TPH2: variants seen among roughly 807,000 people sequenced by gnomAD.
The protein encoded by TPH2 is tryptophan hydroxylase 2, also known as tryptophan 5-hydroxylase 2.
In TPH2, 27 loss-of-function variants were observed where a neutral mutation model predicts 59.1. That is an observed-to-expected ratio of 0.46 (90% CI 0.34 to 0.63). The LOEUF (loss-of-function observed/expected upper bound fraction) is 0.63, where lower values mean the gene tolerates loss of function less well. Among genes scored for constraint, TPH2 ranks in the 30% least tolerant of loss-of-function variants. TPH2 has a pLI of 0.01. For synonymous variants in TPH2, 220 were observed against 210.5 expected (o/e 1.05, Z -0.39); for missense variants, 523 against 588.3 (o/e 0.89, Z 1.15).
intron 6 of TPH2, among the ~76,000 whole-genome samples, 179 bp from the exon 7 acceptor site, chr12:71,978,773 A>G (rs1416992554): frequency 6.6e-6 from 1 of 152,194 alleles, no homozygotes; most frequent in Non-Finnish European, 1.5e-5. Flanking sequence ...GAGTGATTTT[A>G]GTCATCAGAA....
chr12:71,945,190 A>G (rs1186449378), intron 4 of TPH2, among the ~76,000 whole-genome samples: 1 of 152,156 alleles, frequency 6.6e-6, no homozygotes, highest in Non-Finnish European at 1.5e-5. Context: ...GATGGAAGAC[A>G]TATCTCTTCC....
intron 7 of TPH2, among the ~76,000 whole-genome samples, chr12:71,981,097 T>A (rs1872263843): frequency 6.6e-6 from 1 of 152,030 alleles, no homozygotes; most frequent in Non-Finnish European, 1.5e-5. Flanking sequence ...ATAACCTGTG[T>A]GGGAGTCTGG....
chr12:71,943,582 T>C (rs1276155888), intron 2 of TPH2, among the ~76,000 whole-genome samples: 1 of 152,212 alleles, frequency 6.6e-6, no homozygotes, highest in Non-Finnish European at 1.5e-5. Flanking sequence ...AGAGCAATTA[T>C]TAAATGATCC....
chr12:71,987,739 C>T (rs2139216389), intron 7 of TPH2, among the ~76,000 whole-genome samples: 1 of 152,218 alleles, frequency 6.6e-6, no homozygotes, highest in African/African-American at 2.4e-5. Flanking sequence ...GTAATCCCAG[C>T]TACTCGGCGG....
chr12:71,939,050 T>C lies in TPH2; in HGVS notation c.64T>C (p.Ser22Pro), dbSNP rs1187685830. ...YWARRGFSLD[S>P]AVPEEHQLLG... is the part of the protein sequence containing the mutation. ...GGCACGGAGAGGGTTTTCCCTGGAT[T>C]CAGCAGTGCCCGAAGAGCATCAGCT... The change falls in exon 1 of 11, where the codon TCA becomes CCA. Residue 22 changes from serine (S) to proline (P), a missense_variant. Transcript: ENST00000333850. 6.2e-7 allele frequency: 1 copy of C among 1,614,186 alleles called. No individual in the cohort carries two copies. Among genetic ancestry groups the C allele is most frequent in the Non-Finnish European group, 8.5e-7 (1 of 1,180,040 alleles).
At chr12:72,003,329 A>T (rs1241086427) in intron 8 of TPH2, among the ~76,000 whole-genome samples, 1 of 152,208 alleles carries the variant, frequency 6.6e-6, no homozygotes, top group Non-Finnish European at 1.5e-5. Flanking sequence ...ACTTTTATAC[A>T]TTCTTAATTG....
chr12:71,991,338 C>A (rs2139219383), intron 7 of TPH2, among the ~76,000 whole-genome samples: 1 of 152,300 alleles, frequency 6.6e-6, no homozygotes, highest in Middle Eastern at 3.4e-3. Flanking sequence ...AAGCATCTAC[C>A]ACCACTGTAG....
chr12:71,994,301 A>C lies in TPH2; in HGVS notation c.942-138A>C. 3.4e-6 allele frequency: 3 copies of C among 876,720 alleles called. No individual in the cohort carries two copies. The Admixed American group carries it at 5.9e-5, about 17-fold the overall frequency. 54.3% of individuals were successfully genotyped at this position (876,720 alleles called of 1,614,324 possible). On this transcript the variant is annotated intron_variant, in intron 7 of 10. Coordinates refer to ENST00000333850, the MANE Select transcript of TPH2 (RefSeq NM_173353.4). ...GATTTCAGACATATTAAAATGATTAAGAAGTCCCAGCATTGATGAACTGTA... is the reference window on the plus strand; with the variant it reads ...GATTTCAGACATATTAAAATGATTACGAAGTCCCAGCATTGATGAACTGTA...
At chr12:71,953,813 T>C (rs1305773945) in intron 5 of TPH2, among the ~76,000 whole-genome samples, 1 of 152,108 alleles carries the variant, frequency 6.6e-6, no homozygotes, top group Non-Finnish European at 1.5e-5. Flanking sequence ...AATTCCCTGT[T>C]GATAATTAGT....
At position 71,985,995 on chromosome 12, in the gene TPH2, A is replaced by C. The variant is rs537183338; in HGVS notation, c.941+6908A>C. Among the ~76,000 whole-genome samples the C allele has an allele frequency of 1.6e-4, 25 of 152,330 alleles. No individual in the cohort carries two copies. The South Asian group carries it at 4.8e-3, about 29-fold the overall frequency. On this transcript the variant is annotated intron_variant, in intron 7 of 10. Coordinates refer to ENST00000333850, the MANE Select transcript of TPH2 (RefSeq NM_173353.4). ...GCTTTTCTAAGCACTGCAGACCCAA[A>C]TATGAACATGGCCTAACCTCTGTCC...
chr12:71,978,216 A>T (rs552921445), intron 6 of TPH2, among the ~76,000 whole-genome samples: 143 of 122,104 alleles, frequency 1.2e-3, no homozygotes, highest in Non-Finnish European at 2.0e-3. Flanking sequence ...ATGCATATTT[A>T]AAAAAAAAAA....
chr12:71,962,141 C>T, intron 5 of TPH2: 1 of 989,892 alleles, frequency 1.0e-6, no homozygotes, highest in Non-Finnish European at 1.2e-6. Context: ...GGCTCCTAAC[C>T]TCCTCTACAG....
intron 5 of TPH2, among the ~76,000 whole-genome samples, chr12:71,951,224 G>A (rs114680406): frequency 6.6e-6 from 1 of 152,134 alleles, no homozygotes; most frequent in African/African-American, 2.4e-5. Flanking sequence ...ACTCGGATGG[G>A]CTGAGCTCAC....
At position 71,944,461 on chromosome 12, in the gene TPH2, T is replaced by C; in HGVS notation, c.423T>C (p.Ile141=). 11 of 1,613,928 alleles carry C rather than the reference T, an allele frequency of 6.8e-6. No individual in the cohort carries two copies. The highest frequency in any genetic ancestry group is 9.3e-6 in the Non-Finnish European group (11 of 1,179,872). ...TGACGCTGAATCCTCCAGAGAACAT[T>C]TGGACAGAGGAAGAAGGCAAGGGTG... ...TIVTLNPPEN[I]WTEEEELEDV... Residue 141 remains isoleucine (I), a synonymous_variant, in exon 3 of 11, where the codon ATT becomes ATC. Transcript: ENST00000333850.
At chr12:72,010,608 T>C (rs1288920877) in intron 8 of TPH2, among the ~76,000 whole-genome samples, 3 of 152,176 alleles carry the variant, frequency 2.0e-5, no homozygotes, top group Non-Finnish European at 2.9e-5. Context: ...CGAAATCATC[T>C]TCCAGGATTC....
intron 8 of TPH2, among the ~76,000 whole-genome samples, chr12:72,021,564 G>A (rs1400844876): frequency 6.6e-6 from 1 of 152,022 alleles, no homozygotes; most frequent in Non-Finnish European, 1.5e-5. Context: ...TAGGCTTTGT[G>A]TTAGATGATT....
At chr12:71,991,510 G>C (rs1872578332) in intron 7 of TPH2, among the ~76,000 whole-genome samples, 1 of 152,218 alleles carries the variant, frequency 6.6e-6, no homozygotes, top group Non-Finnish European at 1.5e-5. Context: ...GTTTGACATA[G>C]TGACTAATTT....
At chr12:72,007,887 C>T (rs551285751) in intron 8 of TPH2, among the ~76,000 whole-genome samples, 44 of 152,188 alleles carry the variant, frequency 2.9e-4, no homozygotes, top group African/African-American at 7.5e-4. Context: ...CTAGCAAAGG[C>T]ACACTCTTAT....
chr12:71,994,568 G>A lies in TPH2; in HGVS notation c.1068+3G>A. ...AAGATGTTCAGAAACTAGCCACGGT[G>A]AGTTCATTTTCAACTTAAAACCAGT... is the stretch of plus-strand genomic sequence containing the variant. On this transcript the variant is annotated splice_donor_region_variant and intron_variant, in intron 8 of 10. Transcript: ENST00000333850. 6.2e-7 allele frequency: 1 copy of A among 1,613,672 alleles called. No homozygotes were observed. The highest frequency in any genetic ancestry group is 8.5e-7 in the Non-Finnish European group (1 of 1,179,698).
Sources: allele counts gnomAD v4.1 joint callset (sites outside exome capture counted in the v4.1 genomes callset), GRCh38; gene constraint gnomAD v4.1.1; transcripts MANE v1.5; gene names NCBI Gene and HGNC (gene_info 2026-07-23, HGNC 2026-07-21).